KANSL1: variants seen among roughly 807,000 people sequenced by gnomAD.
KANSL1 encodes MLL1/MLL complex subunit KANSL1.
In KANSL1, 22 loss-of-function variants were observed where a neutral mutation model predicts 103.6. The ratio of observed to expected loss-of-function variants is 0.21; its 90% CI spans 0.15 to 0.30. The LOEUF (loss-of-function observed/expected upper bound fraction) is 0.30, where lower values mean the gene tolerates loss of function less well. Among genes scored for constraint, KANSL1 ranks in the 10% least tolerant of loss-of-function variants. The pLI is 1.00. For synonymous variants in KANSL1, 600 were observed against 527.6 expected, an observed-to-expected ratio of 1.14 and a Z score of -1.88; for missense variants, 1,337 against 1,399.8, an observed-to-expected ratio of 0.96 and a Z score of 0.72.
At chr17:46,094,835 G>C (rs1224301113) in intron 2 of KANSL1, 134 bp from the exon 3 acceptor site, 28 of 1,009,400 alleles carry the variant, frequency 2.8e-5, no homozygotes, top group Non-Finnish European at 4.0e-5. Context: ...ACCCAAGAGA[G>C]AGACAAGACA....
intron 1 of KANSL1, among the ~76,000 whole-genome samples, chr17:46,213,987 T>A (rs1311871812): frequency 6.6e-5 from 10 of 151,988 alleles, no homozygotes; most frequent in Non-Finnish European, 1.5e-4. Flanking sequence ...CTGCCAAATA[T>A]ACTACCTGGC....
chr17:46,165,170 C>T (rs2532285), intron 2 of KANSL1, among the ~76,000 whole-genome samples: 18,502 of 150,228 alleles, frequency 0.12, 22 homozygotes, highest in Middle Eastern at 0.19. Flanking sequence ...TTGATTGCCA[C>T]TTTGGCAACA....
At chr17:46,064,337 C>T (rs1264120751) in intron 6 of KANSL1, among the ~76,000 whole-genome samples, 2 of 152,192 alleles carry the variant, frequency 1.3e-5, no homozygotes, top group Middle Eastern at 3.2e-3. Context: ...TCTCATCTCC[C>T]TTATTTGTCA....
At chr17:46,033,716 A>T (rs1221510288) in intron 11 of KANSL1, among the ~76,000 whole-genome samples, 1 of 152,202 alleles carries the variant, frequency 6.6e-6, no homozygotes, top group Non-Finnish European at 1.5e-5. Context: ...GACTGTGACA[A>T]ACACAAGAAA....
chr17:46,171,748 C>T lies in KANSL1; in HGVS notation c.396G>A (p.Glu132=), dbSNP rs1567764286. The change falls in exon 2 of 15, where the codon GAG becomes GAA. Residue 132 remains glutamate (E), a synonymous_variant. Coordinates refer to ENST00000432791, the MANE Select transcript of KANSL1 (RefSeq NM_015443.4). Reference sequence around the variant, plus strand: ...TGGTTCTAAGATTTTCTAAGGAAAACTCCAAAACTGGCTGTCTCCCCAACA... The same window carrying T: ...TGGTTCTAAGATTTTCTAAGGAAAATTCCAAAACTGGCTGTCTCCCCAACA... ...AELLGRQPVL[E]FSLENLRTMN... 1 of 1,588,242 alleles carries T rather than the reference C, an allele frequency of 6.3e-7. No homozygotes were observed.
intron 6 of KANSL1, among the ~76,000 whole-genome samples, chr17:46,051,019 C>T (rs2077694132): frequency 6.6e-6 from 1 of 152,204 alleles, no homozygotes; most frequent in African/African-American, 2.4e-5. Flanking sequence ...TAAAACTGTG[C>T]TTTCTGAGAA....
chr17:46,165,810 C>T (rs2039596204), intron 2 of KANSL1, among the ~76,000 whole-genome samples: 1 of 152,050 alleles, frequency 6.6e-6, no homozygotes, highest in Admixed American at 6.5e-5. Context: ...CAAGCCAGAC[C>T]AAAAGCAACA....
rs1446402549 is a variant in KANSL1, at chr17:46,050,539, G to C, written c.2014C>G (p.Pro672Ala). ...DSCVHPVLAF[P>A]DDVPTSLHFQ... Reference sequence around the variant, plus strand: ...AGTCTGTGGTCTTTCTTACCATCTGGAAATGCTAGAACAGGATGAACACAA... The same window carrying C: ...AGTCTGTGGTCTTTCTTACCATCTGCAAATGCTAGAACAGGATGAACACAA... Residue 672 changes from proline (P) to alanine (A), a missense_variant, in exon 7 of 15, where the codon CCA (proline) becomes GCA (alanine). Pro to Ala is a conservative substitution (Grantham distance 27, BLOSUM62 -1). This residue lies in a region of KANSL1 where 780 missense variants were observed against 923.4 expected (regional missense o/e 0.84). Transcript: ENST00000432791. The C allele has an allele frequency of 1.2e-6, 2 of 1,613,842 alleles. No homozygotes were observed. The highest frequency in any genetic ancestry group is 1.7e-6 in the Non-Finnish European group (2 of 1,179,884).
chr17:46,213,386 C>T (rs1312993498), intron 1 of KANSL1, among the ~76,000 whole-genome samples: 1 of 152,006 alleles, frequency 6.6e-6, no homozygotes, highest in African/African-American at 2.4e-5. Context: ...CTGCAAGCTC[C>T]GCCTGCTGGG....
chr17:46,172,231 G>GACT lies in KANSL1; in HGVS notation c.-89-2_-89dup. ...CCCCTTACTGCCTCCCCAGAGAACA[G>GACT]ACTAGAAGAGAAAGGAGAAAAGAAT... On this transcript the variant is annotated splice_region_variant and 5_prime_UTR_variant, in exon 2 of 15. Coordinates refer to ENST00000432791, the MANE Select transcript of KANSL1 (RefSeq NM_015443.4). The GACT allele has an allele frequency of 8.2e-6, 10 of 1,225,778 alleles. No homozygotes were observed. The highest frequency in any genetic ancestry group is 1.1e-5 in the Non-Finnish European group (10 of 895,884). 75.9% of individuals were successfully genotyped at this position (1,225,778 alleles called of 1,614,324 possible). A position where few individuals can be genotyped will look rare whatever the true frequency, so the allele number is the denominator to read the frequency against.
At chr17:46,165,556 G>A (rs1187863415) in intron 2 of KANSL1, among the ~76,000 whole-genome samples, 1 of 150,194 alleles carries the variant, frequency 6.7e-6, no homozygotes, top group African/African-American at 2.5e-5. Context: ...TGCCACCCAG[G>A]ATGGAGTGCA....
chr17:46,122,544 T>C (rs912131843), intron 2 of KANSL1, among the ~76,000 whole-genome samples: 2 of 152,186 alleles, frequency 1.3e-5, no homozygotes, highest in African/African-American at 4.8e-5. Context: ...AAAAGTGGGT[T>C]AGAAACTGAA....
intron 2 of KANSL1, among the ~76,000 whole-genome samples, chr17:46,101,218 GA>G (rs1372168002): frequency 2.6e-5 from 4 of 152,100 alleles, no homozygotes; most frequent in Non-Finnish European, 5.9e-5. Flanking sequence ...TGAAATTGCT[GA>G]GTCACATGAA....
intron 2 of KANSL1, among the ~76,000 whole-genome samples, chr17:46,122,882 G>C (rs1265178812): frequency 2.6e-5 from 4 of 152,186 alleles, no homozygotes; most frequent in Non-Finnish European, 4.4e-5. Context: ...CTACTCCACT[G>C]AATGGCCATT....
intron 2 of KANSL1, among the ~76,000 whole-genome samples, chr17:46,132,700 C>T (rs2043924207): frequency 6.6e-6 from 1 of 152,182 alleles, no homozygotes; most frequent in Non-Finnish European, 1.5e-5. Flanking sequence ...GCAATCCCGA[C>T]ATTTTGGGAG....
At chr17:46,195,164 C>G (rs2047563858), upstream of KANSL1, among the ~76,000 whole-genome samples, 1 of 152,224 alleles carries the variant, frequency 6.6e-6, no homozygotes, top group Non-Finnish European at 1.5e-5. Flanking sequence ...AGATGGCGAA[C>G]TAGAGCCCCA....
At chr17:46,096,247 T>C (rs1321858495) in intron 2 of KANSL1, among the ~76,000 whole-genome samples, 2 of 149,018 alleles carry the variant, frequency 1.3e-5, no homozygotes, top group Non-Finnish European at 3.0e-5. Context: ...GCTTAAGCTA[T>C]CCTCCCACCT....
upstream of KANSL1, among the ~76,000 whole-genome samples, chr17:46,194,444 T>TA (rs761875209): frequency 1.3e-4 from 20 of 152,242 alleles, no homozygotes; most frequent in Non-Finnish European, 2.8e-4. Flanking sequence ...AGTTTATCAG[T>TA]ACAGAACTTT....
chr17:46,087,374 C>A (rs1399819459), intron 3 of KANSL1, among the ~76,000 whole-genome samples: 1 of 152,130 alleles, frequency 6.6e-6, no homozygotes, highest in African/African-American at 2.4e-5. Flanking sequence ...TAATACTGTA[C>A]CTCACACCAA....
Sources: gnomAD v4.1 joint callset for allele counts (sites outside exome capture counted in the v4.1 genomes callset) on GRCh38, gnomAD v4.1.1 for gene constraint, gnomAD v4.1.1 regional missense constraint, MANE v1.5 for transcripts, NCBI Gene and HGNC (gene_info 2026-07-23, HGNC 2026-07-21) for gene names.